Variants in CPED1 observed in about 807,000 individuals in gnomAD.
CPED1 encodes the protein cadherin like and PC-esterase domain containing 1.
A neutral mutation model predicts 128.2 loss-of-function variants in CPED1; 114 were observed. The observed-to-expected ratio is 0.89, with a 90% CI of 0.76 to 1.04. The LOEUF (loss-of-function observed/expected upper bound fraction) is 1.04, where lower values mean the gene tolerates loss of function less well. CPED1 is among the 50% of genes least tolerant of loss of function. The pLI, the probability that CPED1 is intolerant of heterozygous loss-of-function variation, is 0.00. For synonymous variants in CPED1, 462 were observed against 426.7 expected (o/e 1.08, Z -1.02); for missense variants, 1,211 against 1,207.1 (o/e 1.00, Z -0.05).
At chr7:121,153,103 G>A (rs1436891190) in intron 16 of CPED1, among the ~76,000 whole-genome samples, 1 of 152,154 alleles carries the variant, frequency 6.6e-6, no homozygotes, top group Non-Finnish European at 1.5e-5. Context: ...GGATAAGGAT[G>A]AGGGGATCAA....
chr7:121,189,799 A>ATATATATATATATATATATAT (rs58389973), intron 16 of CPED1, among the ~76,000 whole-genome samples: 21 of 31,272 alleles, frequency 6.7e-4, no homozygotes, highest in Non-Finnish European at 9.8e-4. Context: ...TATATATATA[A>ATATATATATATATATATATAT]AATTTGTATT....
At chr7:121,099,183 A>G (rs1554635) in intron 6 of CPED1, among the ~76,000 whole-genome samples, 43,725 of 151,742 alleles carry the variant, frequency 0.29, 6,735 homozygotes, top group Middle Eastern at 0.39. Flanking sequence ...AGAAGAAAAA[A>G]TAGAGCAAAG....
At chr7:121,264,716 A>G (rs2116742260) in intron 18 of CPED1, among the ~76,000 whole-genome samples, 1 of 152,230 alleles carries the variant, frequency 6.6e-6, no homozygotes, top group East Asian at 1.9e-4. Context: ...AGAAAAAAAC[A>G]TGTGCATGAC....
Position 121,140,968 on chromosome 7 carries a change from C to G in CPED1, c.1841C>G (p.Pro614Arg). 6.2e-7 allele frequency: 1 copy of G among 1,612,490 alleles called. No individual in the cohort carries two copies. The highest frequency in any genetic ancestry group is 8.5e-7 in the Non-Finnish European group (1 of 1,179,170). Residue 614 changes from proline to arginine, a missense_variant, in exon 15 of 23, where the codon CCT (proline) becomes CGT (arginine). Pro to Arg is a moderately radical substitution (Grantham distance 103). Transcript: ENST00000310396. ...ACAGTGACAATTGGAGTGGAAACTC[C>G]TAAGTGTCTGTGCAAGGTGCACCTG... ...VVTVTIGVETPKCLCKVHLYE... is the reference protein window; with the variant it reads ...VVTVTIGVETRKCLCKVHLYE...
intron 17 of CPED1, among the ~76,000 whole-genome samples, chr7:121,239,625 G>GT (rs1444154116): frequency 6.6e-6 from 1 of 151,976 alleles, no homozygotes; most frequent in Non-Finnish European, 1.5e-5. Flanking sequence ...AGATGTTTTT[G>GT]TCTTCTTAAA....
At chr7:121,282,557 C>T (rs1455053100) in intron 22 of CPED1, among the ~76,000 whole-genome samples, 1 of 152,072 alleles carries the variant, frequency 6.6e-6, no homozygotes, top group African/African-American at 2.4e-5. Context: ...CAGTTTAGAG[C>T]CTATAAGAGT....
At chr7:121,292,513 T>A (rs1457509861) in intron 22 of CPED1, among the ~76,000 whole-genome samples, 1 of 152,036 alleles carries the variant, frequency 6.6e-6, no homozygotes, top group Non-Finnish European at 1.5e-5. Context: ...GAAGCCTACT[T>A]CTGTCAATTT....
At chr7:121,126,675 C>T (rs1170811486) in intron 9 of CPED1, among the ~76,000 whole-genome samples, 1 of 151,958 alleles carries the variant, frequency 6.6e-6, no homozygotes, top group Non-Finnish European at 1.5e-5. Flanking sequence ...TCCAAGATTT[C>T]TCCATAAAAA....
intron 18 of CPED1, among the ~76,000 whole-genome samples, chr7:121,263,586 G>A (rs969599114): frequency 6.6e-6 from 1 of 151,962 alleles, no homozygotes; most frequent in Non-Finnish European, 1.5e-5. Flanking sequence ...TAGTACCTAA[G>A]AATTCTGAAA....
chr7:121,270,054 G>A (rs1208975743), intron 21 of CPED1, among the ~76,000 whole-genome samples: 1 of 151,980 alleles, frequency 6.6e-6, no homozygotes, highest in Non-Finnish European at 1.5e-5. Flanking sequence ...CAGATCTTGT[G>A]TGAACTCATT....
intron 3 of CPED1, among the ~76,000 whole-genome samples, chr7:121,044,648 C>CTTTTTTGTTTTTTTTTT (rs35159862): frequency 1.4e-5 from 1 of 69,532 alleles, no homozygotes; most frequent in Non-Finnish European, 2.8e-5. Flanking sequence ...TGACTTTCTG[C>CTTTTTTGTTTTTTTTTT]TCTTTTTTTT....
chr7:121,090,218 G>A (rs1794539896), intron 5 of CPED1, among the ~76,000 whole-genome samples: 2 of 152,136 alleles, frequency 1.3e-5, no homozygotes, highest in African/African-American at 4.8e-5. Context: ...GTTAGTTGGT[G>A]GAAATTTTGT....
chr7:121,011,164 A>T (rs1379486749), intron 2 of CPED1, among the ~76,000 whole-genome samples: 1 of 152,160 alleles, frequency 6.6e-6, no homozygotes, highest in Non-Finnish European at 1.5e-5. Context: ...TGTCATAAAT[A>T]CATGGCTACT....
At position 121,148,650 on chromosome 7, in the gene CPED1, T is replaced by C. The variant is rs574580434; in HGVS notation, c.2055+6509T>C. Among the ~76,000 whole-genome samples, 30 of 152,132 alleles carry C rather than the reference T, an allele frequency of 2.0e-4. 1 individual carries two copies. The highest frequency in any genetic ancestry group is 2.9e-4 in the Non-Finnish European group (20 of 67,998). ...CCAGACAGGAAGAACTTGTTGGGAA[T>C]TGGGGAAGAGAGATGAGAAGAATTG... On this transcript the variant is annotated intron_variant, in intron 16 of 22. Transcript: ENST00000310396.
chr7:120,993,992 CT>C, intron 2 of CPED1: 3 of 326,024 alleles, frequency 9.2e-6, no homozygotes, highest in East Asian at 1.2e-4. Flanking sequence ...GTGGACTCTC[CT>C]TTTCAATCAG....
chr7:121,198,784 T>G (rs913902550), intron 16 of CPED1, among the ~76,000 whole-genome samples: 1 of 152,164 alleles, frequency 6.6e-6, no homozygotes, highest in Non-Finnish European at 1.5e-5. Context: ...TATCAAAGCA[T>G]GTGATTCTAT....
intron 2 of CPED1, among the ~76,000 whole-genome samples, chr7:121,013,875 A>G (rs1792225690): frequency 6.6e-6 from 1 of 152,236 alleles, no homozygotes; most frequent in South Asian, 2.1e-4. Flanking sequence ...AGGTGCTATA[A>G]TTCATTAATT....
At chr7:121,006,431 G>C (rs1206963637) in intron 2 of CPED1, among the ~76,000 whole-genome samples, 1 of 152,094 alleles carries the variant, frequency 6.6e-6, no homozygotes, top group Non-Finnish European at 1.5e-5. Flanking sequence ...CTTGGAGATA[G>C]AAAGAAAATA....
intron 16 of CPED1, among the ~76,000 whole-genome samples, chr7:121,147,833 A>G (rs1186696947): frequency 6.6e-6 from 1 of 152,176 alleles, no homozygotes; most frequent in East Asian, 1.9e-4. Context: ...TTAGCTACAC[A>G]TTTGAAACTG....
Sources: gnomAD v4.1 joint callset for allele counts (sites outside exome capture counted in the v4.1 genomes callset) on GRCh38, gnomAD v4.1.1 for gene constraint, MANE v1.5 for transcripts, NCBI Gene and HGNC (gene_info 2026-07-23, HGNC 2026-07-21) for gene names.